Variants in ACYP1 observed in about 807,000 individuals in gnomAD.
ACYP1 encodes acylphosphatase 1, also known as acylphosphatase-1.
ACYP1 carries 8 observed loss-of-function variants against 10.4 expected under a neutral mutation model. That is an observed-to-expected ratio of 0.77 (90% CI 0.45 to 1.38). ACYP1 has a LOEUF of 1.38. Ranked by LOEUF, ACYP1 falls within the 40% of genes most tolerant of loss-of-function variation. The pLI is 0.00. For missense variants in ACYP1, 93 were observed against 117.3 expected (o/e 0.79, Z 0.96); for synonymous variants, 38 against 40.8 (o/e 0.93, Z 0.26).
chr14:75,066,309 C>T (rs539275636), upstream of ACYP1, among the ~76,000 whole-genome samples: 1 of 152,284 alleles, frequency 6.6e-6, no homozygotes, highest in South Asian at 2.1e-4. Context: ...ACAATGCATA[C>T]ATTATCAAAA....
chr14:75,065,648 A>G (rs1043323673), upstream of ACYP1, among the ~76,000 whole-genome samples: 2 of 152,190 alleles, frequency 1.3e-5, no homozygotes, highest in Non-Finnish European at 2.9e-5. Flanking sequence ...AGGGGCACAA[A>G]TGCATGCAAA....
chr14:75,063,300 C>A, intron 2 of ACYP1, 170 bp downstream of exon 2: 1 of 605,222 alleles, frequency 1.7e-6, no homozygotes, highest in Non-Finnish European at 3.0e-6. Flanking sequence ...CCATTTACAC[C>A]ATGTTTTACC....
intron 2 of ACYP1, among the ~76,000 whole-genome samples, chr14:75,056,936 C>T (rs1433461139): frequency 6.6e-6 from 1 of 151,634 alleles, no homozygotes; most frequent in Non-Finnish European, 1.5e-5. Flanking sequence ...AGATTAAAAA[C>T]GTTCCCACGA....
At chr14:75,063,801 T>C (rs183342178) in intron 1 of ACYP1, among the ~76,000 whole-genome samples, 153 bp downstream of exon 1, 41 of 152,120 alleles carry the variant, frequency 2.7e-4, no homozygotes, top group African/African-American at 9.9e-4. Flanking sequence ...TCTGGGGAAA[T>C]AACCTGAGGA....
intron 2 of ACYP1, chr14:75,059,922 G>T (rs1298899134): frequency 4.5e-6 from 1 of 220,302 alleles, no homozygotes; most frequent in Non-Finnish European, 8.9e-6. Flanking sequence ...TGAATTAATA[G>T]AATGTAGATT....
intron 2 of ACYP1, among the ~76,000 whole-genome samples, chr14:75,056,069 C>A (rs980021759): frequency 2.0e-5 from 3 of 151,120 alleles, no homozygotes; most frequent in Non-Finnish European, 2.9e-5. Context: ...AAAACTGAAT[C>A]AAGAAGAAAT....
chr14:75,057,147 C>T (rs1892895630), intron 2 of ACYP1, among the ~76,000 whole-genome samples: 1 of 151,498 alleles, frequency 6.6e-6, no homozygotes, highest in African/African-American at 2.4e-5. Flanking sequence ...AATTAACAGT[C>T]TCACAAGGTT....
At chr14:75,057,384 T>G (rs1892901701) in intron 2 of ACYP1, among the ~76,000 whole-genome samples, 1 of 151,582 alleles carries the variant, frequency 6.6e-6, no homozygotes, top group Non-Finnish European at 1.5e-5. Context: ...CCCTTACTGA[T>G]GTATTGAAAT....
chr14:75,066,140 G>C (rs1893138887), upstream of ACYP1, among the ~76,000 whole-genome samples: 1 of 152,202 alleles, frequency 6.6e-6, no homozygotes, highest in African/African-American at 2.4e-5. Flanking sequence ...TTATTAAGGG[G>C]AGGCAAAACT....
chr14:75,060,332 G>A, intron 2 of ACYP1: 1 of 625,634 alleles, frequency 1.6e-6, no homozygotes, highest in Non-Finnish European at 2.9e-6. Flanking sequence ...ATAAAAGACA[G>A]TAACCATTGT....
chr14:75,056,232 A>C (rs534210124), intron 2 of ACYP1, among the ~76,000 whole-genome samples: 1 of 151,550 alleles, frequency 6.6e-6, no homozygotes, highest in Admixed American at 6.6e-5. Context: ...TCTTCCAAAA[A>C]ATAGAAGAAG....
upstream of ACYP1, among the ~76,000 whole-genome samples, chr14:75,066,937 G>A (rs532400574): frequency 1.6e-4 from 24 of 152,330 alleles, no homozygotes; most frequent in East Asian, 3.9e-4. Flanking sequence ...GACTGATGCT[G>A]TGAGCATGCA....
intron 2 of ACYP1, among the ~76,000 whole-genome samples, chr14:75,057,640 G>A (rs1892907085): frequency 6.6e-6 from 1 of 151,280 alleles, no homozygotes; most frequent in African/African-American, 2.5e-5. Context: ...ACTGGCATAA[G>A]GATAGTGGCT....
rs780728931 is a variant in ACYP1, at chr14:75,053,430, T to G, written c.*14A>C. ...AACCACTGAGTTTATCTTAGAAAACTTAAATTCAGGCCATTATTTTACAAT... is the reference window on the plus strand; with the variant it reads ...AACCACTGAGTTTATCTTAGAAAACGTAAATTCAGGCCATTATTTTACAAT... On this transcript the variant is annotated 3_prime_UTR_variant, in exon 3 of 3. Coordinates refer to ENST00000238618, the MANE Select transcript of ACYP1 (RefSeq NM_001107.5). The G allele has an allele frequency of 6.2e-7, 1 of 1,611,526 alleles. No homozygotes were observed. The highest frequency in any genetic ancestry group is 2.2e-5 in the East Asian group (1 of 44,886).
chr14:75,062,121 A>AAAAG (rs1893036704), intron 2 of ACYP1, among the ~76,000 whole-genome samples: 1 of 147,182 alleles, frequency 6.8e-6, no homozygotes, highest in Non-Finnish European at 1.5e-5. Context: ...AAAAAAAAAA[A>AAAAG]AAAGAAAAGA....
chr14:75,064,591 G>C (rs1279650391), upstream of ACYP1, among the ~76,000 whole-genome samples: 1 of 152,090 alleles, frequency 6.6e-6, no homozygotes, highest in Admixed American at 6.5e-5. Context: ...AAAATTGGCC[G>C]GGCATGGTGG....
Position 75,053,546 on chromosome 14 carries a change from A to G in ACYP1, c.198T>C (p.Leu66=). Residue 66 remains leucine, a synonymous_variant, in exon 3 of 3, where the codon CTT becomes CTC. Coordinates refer to ENST00000238618, the MANE Select transcript of ACYP1 (RefSeq NM_001107.5). ...ISKVRHMQEW[L]ETRGSPKSHI... is the part of the protein sequence containing the mutation. ...GTGATTTAGGACTTCCTCTTGTTTC[A>G]AGCCATTCCTGCATATGACGCACCT... The G allele has an allele frequency of 6.2e-7, 1 of 1,614,152 alleles. No individual in the cohort carries two copies. Among genetic ancestry groups the G allele is most frequent in the Non-Finnish European group, 8.5e-7 (1 of 1,180,020 alleles).
intron 2 of ACYP1, among the ~76,000 whole-genome samples, chr14:75,055,270 G>C (rs1163510819): frequency 1.3e-5 from 2 of 150,746 alleles, no homozygotes; most frequent in Non-Finnish European, 2.9e-5. Flanking sequence ...TGTATTTTTA[G>C]TAGAGATGGG....
At chr14:75,063,141 C>T in intron 2 of ACYP1, 1 of 311,496 alleles carries the variant, frequency 3.2e-6, no homozygotes, top group Non-Finnish European at 6.2e-6. Flanking sequence ...CAATGTTAGC[C>T]TTTCTATAAG....
Sources: allele counts gnomAD v4.1 joint callset (sites outside exome capture counted in the v4.1 genomes callset), GRCh38; gene constraint gnomAD v4.1.1; transcripts MANE v1.5; gene names NCBI Gene and HGNC (gene_info 2026-07-23, HGNC 2026-07-21).